RAB2A: variants seen among roughly 807,000 people sequenced by gnomAD.
RAB2A encodes RAB2A, member RAS oncogene family, also known as ras-related protein Rab-2A.
Under a neutral mutation model 32.5 loss-of-function variants are expected in RAB2A, and 7 were observed. That is an observed-to-expected ratio of 0.22 (90% CI 0.12 to 0.40). The LOEUF is 0.40. Among genes scored for constraint, RAB2A ranks in the 10% least tolerant of loss-of-function variants. RAB2A has a pLI of 1.00. For synonymous variants in RAB2A, 79 were observed against 85.2 expected (o/e 0.93, Z 0.40); for missense variants, 108 against 260.7 (o/e 0.41, Z 4.03).
rs1348673259 is a variant in RAB2A at position 60,623,200 on chromosome 8, A to G, written c.*2431A>G. The G allele has an allele frequency of 1.3e-5, 2 of 152,270 alleles. No homozygotes were observed. 9.4% of individuals were successfully genotyped at this position (152,270 alleles called of 1,614,324 possible). ...AGCCAATTTTTTGAAAGAATGTGGC[A>G]TATAATTAGATATACAACTGAAACA... On this transcript the variant is annotated 3_prime_UTR_variant, in exon 8 of 8. Coordinates refer to ENST00000262646, the MANE Select transcript of RAB2A (RefSeq NM_002865.3).
At chr8:60,584,005 C>T (rs1563477763) in intron 3 of RAB2A, 4 of 462,130 alleles carry the variant, frequency 8.7e-6, no homozygotes, top group South Asian at 2.4e-5. Context: ...ACTACATGTG[C>T]ACTACATGTG....
intron 6 of RAB2A, among the ~76,000 whole-genome samples, chr8:60,611,899 A>G (rs1563487077): frequency 6.6e-6 from 1 of 152,234 alleles, no homozygotes; most frequent in African/African-American, 2.4e-5. Flanking sequence ...GTTTACATAG[A>G]AAACCAATTA....
At chr8:60,544,406 A>G (rs1177078264) in intron 1 of RAB2A, among the ~76,000 whole-genome samples, 1 of 152,042 alleles carries the variant, frequency 6.6e-6, no homozygotes. Context: ...GTTGGAGATA[A>G]TGCTCTCTTA....
At chr8:60,598,528 C>T (rs927994878) in intron 6 of RAB2A, among the ~76,000 whole-genome samples, 2 of 145,766 alleles carry the variant, frequency 1.4e-5, no homozygotes, top group Admixed American at 6.8e-5. Flanking sequence ...CAACAATATA[C>T]GAAATTGTGT....
intron 1 of RAB2A, among the ~76,000 whole-genome samples, chr8:60,557,767 T>A (rs1335768802): frequency 1.3e-5 from 2 of 151,990 alleles, no homozygotes; most frequent in East Asian, 3.9e-4. Context: ...AAAGACTGTC[T>A]CCCTATGTTG....
intron 6 of RAB2A, among the ~76,000 whole-genome samples, chr8:60,603,334 T>A (rs949168914): frequency 6.6e-6 from 1 of 152,254 alleles, no homozygotes; most frequent in Non-Finnish European, 1.5e-5. Flanking sequence ...GTAATACAAG[T>A]GGACACCATG....
At chr8:60,541,887 G>C (rs7001063) in intron 1 of RAB2A, among the ~76,000 whole-genome samples, 12,448 of 152,096 alleles carry the variant, frequency 0.082, 1,550 homozygotes, top group African/African-American at 0.27. Context: ...AAACTTGTCA[G>C]TGTTCTTTCT....
chr8:60,519,911 C>G (rs1354092999), intron 1 of RAB2A, among the ~76,000 whole-genome samples: 1 of 152,126 alleles, frequency 6.6e-6, no homozygotes, highest in Non-Finnish European at 1.5e-5. Flanking sequence ...TACCATATTT[C>G]TTTAATGCAG....
chr8:60,614,690 G>A (rs1479706312), intron 6 of RAB2A, among the ~76,000 whole-genome samples: 1 of 152,142 alleles, frequency 6.6e-6, no homozygotes, highest in Non-Finnish European at 1.5e-5. Context: ...CTGTGCAATC[G>A]AAGTCCCTGA....
chr8:60,539,607 G>C (rs1807607997), intron 1 of RAB2A, among the ~76,000 whole-genome samples: 1 of 152,222 alleles, frequency 6.6e-6, no homozygotes, highest in South Asian at 2.1e-4. Context: ...AAATGCAATT[G>C]TGAAGGATTT....
At chr8:60,518,462 C>T (rs1198240400) in intron 1 of RAB2A, among the ~76,000 whole-genome samples, 1 of 152,004 alleles carries the variant, frequency 6.6e-6, no homozygotes, top group Non-Finnish European at 1.5e-5. Flanking sequence ...TCGAGACCTG[C>T]TTGGCCAACG....
intron 1 of RAB2A, among the ~76,000 whole-genome samples, chr8:60,530,587 C>T (rs527250059): frequency 2.6e-4 from 39 of 152,116 alleles, no homozygotes; most frequent in South Asian, 1.0e-3. Context: ...CATGCCCAGC[C>T]CTTTATCACC....
chr8:60,611,304 C>T (rs556813324), intron 6 of RAB2A, among the ~76,000 whole-genome samples: 5 of 152,278 alleles, frequency 3.3e-5, no homozygotes, highest in African/African-American at 1.2e-4. Flanking sequence ...CTTTATCTCA[C>T]GTTCCTGGCC....
chr8:60,554,221 G>A (rs1227588552), intron 1 of RAB2A, among the ~76,000 whole-genome samples: 1 of 152,168 alleles, frequency 6.6e-6, no homozygotes, highest in Non-Finnish European at 1.5e-5. Context: ...AGAAAGATCT[G>A]GTTCTTAGTG....
chr8:60,588,750 A>G (rs1394006318), intron 5 of RAB2A, among the ~76,000 whole-genome samples: 1 of 152,232 alleles, frequency 6.6e-6, no homozygotes, highest in Non-Finnish European at 1.5e-5. Flanking sequence ...TACATATCTT[A>G]AAACTCAACA....
intron 2 of RAB2A, among the ~76,000 whole-genome samples, chr8:60,563,441 C>T (rs774554378): frequency 1.3e-4 from 20 of 152,238 alleles, no homozygotes; most frequent in Non-Finnish European, 2.4e-4. Flanking sequence ...AACAGGATCG[C>T]CAAGTGATTC....
chr8:60,559,727 T>C (rs1000939637), intron 2 of RAB2A, among the ~76,000 whole-genome samples: 1 of 152,246 alleles, frequency 6.6e-6, no homozygotes, highest in Non-Finnish European at 1.5e-5. Flanking sequence ...TAGTCAAATA[T>C]GAAGACGAGA....
intron 5 of RAB2A, among the ~76,000 whole-genome samples, chr8:60,587,303 A>C (rs1803867058): frequency 6.6e-6 from 1 of 152,222 alleles, no homozygotes. Flanking sequence ...AACAGTTAAT[A>C]GTCATATGTA....
rs116330659 is a variant in RAB2A at position 60,530,542 on chromosome 8, G to A, written c.46+13289G>A. On this transcript the variant is annotated intron_variant, in intron 1 of 7. Coordinates refer to ENST00000262646, the MANE Select transcript of RAB2A (RefSeq NM_002865.3). The stretch of plus-strand genomic sequence containing the variant: ...TGGGCTCAGGTGATCCTCCCACCTC[G>A]GCCTTCCAAAGTGTTGGATTACAAT... Among the ~76,000 whole-genome samples, 750 of 152,026 alleles carry A rather than the reference G, an allele frequency of 4.9e-3. 7 individuals are homozygous for A. The highest frequency in any genetic ancestry group is 0.017 in the African/African-American group (694 of 41,426).
Sources: gnomAD v4.1 joint callset for allele counts (sites outside exome capture counted in the v4.1 genomes callset) on GRCh38, gnomAD v4.1.1 for gene constraint, MANE v1.5 for transcripts, NCBI Gene and HGNC (gene_info 2026-07-23, HGNC 2026-07-21) for gene names.